Variants in TSFM observed in about 807,000 individuals in gnomAD.
The protein encoded by TSFM is Ts translation elongation factor, mitochondrial.
In TSFM, 29 loss-of-function variants were observed where a neutral mutation model predicts 33.4. That is an observed-to-expected ratio of 0.87 (90% CI 0.65 to 1.18). The LOEUF is 1.18. Ranked by LOEUF, TSFM falls within the 50% of genes most tolerant of loss-of-function variation. The pLI is 0.00. For synonymous variants in TSFM, 178 were observed against 163.5 expected (o/e 1.09, Z -0.68); for missense variants, 394 against 395.6 (o/e 1.00, Z 0.04).
chr12:57,799,383 A>C (rs1252156197), downstream of TSFM, among the ~76,000 whole-genome samples: 1 of 152,230 alleles, frequency 6.6e-6, no homozygotes, highest in African/African-American at 2.4e-5. Context: ...CAGGGGCCAG[A>C]TTGTATAGGC....
downstream of TSFM, among the ~76,000 whole-genome samples, chr12:57,799,472 C>T (rs1565827739): frequency 6.6e-6 from 1 of 152,136 alleles, no homozygotes; most frequent in Non-Finnish European, 1.5e-5. Context: ...TTTTAAAGAT[C>T]TCTTTGGCTG....
chr12:57,795,039 G>T (rs189657140), intron 5 of TSFM, among the ~76,000 whole-genome samples: 1 of 149,940 alleles, frequency 6.7e-6, no homozygotes, highest in South Asian at 2.1e-4. Context: ...GATTACAGGC[G>T]TGAGCCACCG....
At chr12:57,801,530 A>T, downstream of TSFM, 1 of 222,442 alleles carries the variant, frequency 4.5e-6, no homozygotes, top group Non-Finnish European at 9.1e-6. Context: ...ACCTGAGGTC[A>T]GGGGTTCAAG....
At chr12:57,789,704 G>T (rs1184686812) in intron 4 of TSFM, among the ~76,000 whole-genome samples, 1 of 152,178 alleles carries the variant, frequency 6.6e-6, no homozygotes, top group Non-Finnish European at 1.5e-5. Context: ...TCTACTGTTA[G>T]AAATAAATTT....
At chr12:57,785,528 C>T (rs1375632303) in intron 2 of TSFM, among the ~76,000 whole-genome samples, 3 of 152,054 alleles carry the variant, frequency 2.0e-5, no homozygotes, top group East Asian at 1.9e-4. Flanking sequence ...AGTGCAGTGG[C>T]GCGATAGATC....
chr12:57,783,345 T>C, intron 2 of TSFM, 62 bp downstream of exon 2: 1 of 1,599,362 alleles, frequency 6.3e-7, no homozygotes, highest in Non-Finnish European at 8.6e-7. Flanking sequence ...CTTGGGGCGG[T>C]CACGCTGGGG....
At position 57,797,166 on chromosome 12, in the gene TSFM, T is replaced by A. The variant is rs1955753138; in HGVS notation, c.*583T>A. On this transcript the variant is annotated 3_prime_UTR_variant, in exon 6 of 6. Transcript: ENST00000652027. ...CACATGCCCCTATTTCTCTTTTGGA[T>A]GATGTGTGGGTGGGTGGGTACTGAG... The A allele has an allele frequency of 6.1e-6, 6 of 985,314 alleles. No homozygotes were observed. The highest frequency in any genetic ancestry group is 7.2e-6 in the Non-Finnish European group (6 of 829,950). The allele number at this position is 985,314 out of a possible 1,614,324, so 61.0% of individuals were successfully genotyped here.
In TSFM at chr12:57,782,856, C is replaced by A; in HGVS notation, c.55C>A (p.Pro19Thr). The A allele has an allele frequency of 6.3e-7, 1 of 1,593,062 alleles. No homozygotes were observed. The highest frequency in any genetic ancestry group is 2.3e-5 in the East Asian group (1 of 43,664). ...VFLVARTGSY[P>T]AGSLLRQSPQ... ...TCTGGTCGCGCGGACCGGGAGCTAC[C>A]CGGTGAGAAGTCCTGGTGCTGGTAC... Residue 19 changes from proline to threonine, a missense_variant and splice_region_variant, in exon 1 of 6, where the codon CCG (proline) becomes ACG (threonine). By Grantham distance (38) the Pro-to-Thr change is conservative (BLOSUM62 -1). Coordinates refer to ENST00000652027, the MANE Select transcript of TSFM (RefSeq NM_005726.6).
At chr12:57,790,063 T>TC (rs200431313) in intron 4 of TSFM, among the ~76,000 whole-genome samples, 4,808 of 136,322 alleles carry the variant, frequency 0.035, 221 homozygotes, top group African/African-American at 0.13. Context: ...TTTCTTTCTT[T>TC]TTTTTTTTTT....
At chr12:57,802,153 T>G (rs775095215), downstream of TSFM, 2 of 1,613,740 alleles carry the variant, frequency 1.2e-6, no homozygotes, top group East Asian at 4.5e-5. Context: ...CTACTCTCTT[T>G]TCTTACACTC....
At chr12:57,798,549 G>C (rs780940172), downstream of TSFM, among the ~76,000 whole-genome samples, 1 of 152,000 alleles carries the variant, frequency 6.6e-6, no homozygotes, top group Non-Finnish European at 1.5e-5. Flanking sequence ...GACATTGTGG[G>C]AAATCCAGAG....
chr12:57,799,675 G>T, downstream of TSFM: 1 of 1,414,646 alleles, frequency 7.1e-7, no homozygotes, highest in Non-Finnish European at 9.6e-7. Context: ...TTCCTAGGTA[G>T]CTCAGATGTC....
rs11614185 is a variant in TSFM at position 57,783,014 on chromosome 12, A to G, written c.58-96A>G. 72,681 of 1,508,258 alleles carry G rather than the reference A, an allele frequency of 0.048. 2,106 individuals are homozygous for G. Among genetic ancestry groups the G allele is most frequent in the Non-Finnish European group, 0.059 (66,176 of 1,121,866 alleles). 93.4% of individuals were successfully genotyped at this position (1,508,258 alleles called of 1,614,324 possible). On this transcript the variant is annotated intron_variant, in intron 1 of 5. Coordinates refer to ENST00000652027, the MANE Select transcript of TSFM (RefSeq NM_005726.6). ...AGCCCCGGTGCACCCCCCTTTGCAC[A>G]CTGTCCGCTCCCTAAGGTCGCTTCC...
At chr12:57,802,751 G>C (rs888585039), downstream of TSFM, 16 of 588,622 alleles carry the variant, frequency 2.7e-5, no homozygotes, top group Admixed American at 2.2e-4. Flanking sequence ...AGAAGCCTGA[G>C]AGTTTCCTAG....
downstream of TSFM, chr12:57,799,916 A>C: frequency 6.2e-7 from 1 of 1,614,146 alleles, no homozygotes; most frequent in East Asian, 2.2e-5. Context: ...TGCATTCTTC[A>C]TGTCCTAGGT....
In TSFM at chr12:57,797,462, T is replaced by C. The variant is rs1955759150; in HGVS notation, c.*879T>C. On this transcript the variant is annotated 3_prime_UTR_variant, in exon 6 of 6. Transcript: ENST00000652027. ...GGGTATTTGGATTTTGCCTATGGAG[T>C]GCATATATGATTTCAATGATTTACA... 1 of 985,228 alleles carries C rather than the reference T, an allele frequency of 1.0e-6. No individual in the cohort carries two copies. The highest frequency in any genetic ancestry group is 1.7e-5 in the African/African-American group (1 of 57,344). The allele number at this position is 985,228 out of a possible 1,614,324, so 61.0% of individuals were successfully genotyped here. A position where few individuals can be genotyped will look rare whatever the true frequency, so the allele number is the denominator to read the frequency against.
At chr12:57,798,836 C>T (rs988786371), downstream of TSFM, among the ~76,000 whole-genome samples, 30 of 152,022 alleles carry the variant, frequency 2.0e-4, no homozygotes, top group African/African-American at 7.2e-4. Flanking sequence ...AGGCCAGTCT[C>T]GAACTCCTGA....
Position 57,786,236 on chromosome 12 carries a change from C to T in TSFM, c.305C>T (p.Thr102Ile), listed in dbSNP as rs1390638669. The change falls in exon 3 of 6, where the codon ACC becomes ATC. Residue 102 changes from threonine to isoleucine, a missense_variant. Transcript: ENST00000652027. ...SKAAKLQGRK[T>I]KEGLIGLLQE... ...GCTGCCAAGCTCCAAGGGAGGAAGACCAAAGAAGGCCTGATTGGGCTGTTG... is the reference window on the plus strand; with the variant it reads ...GCTGCCAAGCTCCAAGGGAGGAAGATCAAAGAAGGCCTGATTGGGCTGTTG... 6.2e-7 allele frequency: 1 copy of T among 1,611,870 alleles called. No homozygotes were observed. The highest frequency in any genetic ancestry group is 1.3e-5 in the African/African-American group (1 of 75,004).
At chr12:57,802,484 G>T, downstream of TSFM, 1 of 1,042,368 alleles carries the variant, frequency 9.6e-7, no homozygotes. Flanking sequence ...AGCCTAATTT[G>T]TTCAGCAGAG....
Sources: allele counts gnomAD v4.1 joint callset (sites outside exome capture counted in the v4.1 genomes callset), GRCh38; gene constraint gnomAD v4.1.1; transcripts MANE v1.5; gene names NCBI Gene and HGNC (gene_info 2026-07-23, HGNC 2026-07-21).